UNC5B: variants seen among roughly 807,000 people sequenced by gnomAD.
The protein encoded by UNC5B is netrin receptor UNC5B.
UNC5B carries 56 observed loss-of-function variants against 103.7 expected under a neutral mutation model. That is an observed-to-expected ratio of 0.54 (90% confidence interval 0.44 to 0.67). UNC5B has a LOEUF of 0.67. Ranked by LOEUF, UNC5B falls within the 30% of genes least tolerant of loss-of-function variation. The pLI, the probability that UNC5B is intolerant of heterozygous loss-of-function variation, is 0.00. For missense variants in UNC5B, 1,194 were observed against 1,284.5 expected, an observed-to-expected ratio of 0.93 and a Z score of 1.08; for synonymous variants, 577 against 542.0, an observed-to-expected ratio of 1.06 and a Z score of -0.90.
chr10:71,245,516 T>G (rs956108378), intron 1 of UNC5B, among the ~76,000 whole-genome samples: 3 of 152,148 alleles, frequency 2.0e-5, no homozygotes, highest in African/African-American at 7.2e-5. Flanking sequence ...ACTGTCCTTC[T>G]GGGTGGGCTG....
At chr10:71,295,525 G>A (rs546560727) in intron 13 of UNC5B, among the ~76,000 whole-genome samples, 4 of 152,016 alleles carry the variant, frequency 2.6e-5, no homozygotes, top group Non-Finnish European at 1.5e-5. Context: ...ATATTCATCT[G>A]TCTGTCTTTC....
In UNC5B at chr10:71,226,340, G is replaced by T. The variant is rs561833721; in HGVS notation, c.79+13276G>T. Among the ~76,000 whole-genome samples the T allele has an allele frequency of 5.9e-5, 9 of 152,346 alleles. No homozygotes were observed. The South Asian group carries it at 1.4e-3, about 25-fold the overall frequency. ...TCCGCTTGCCTCGGCCTCCCAAAGT[G>T]CTGGGATTACGGGCATGAGCCACCT... On this transcript the variant is annotated intron_variant, in intron 1 of 16. Coordinates refer to ENST00000335350, the MANE Select transcript of UNC5B (RefSeq NM_170744.5).
Position 71,293,392 on chromosome 10 carries a change from T to C in UNC5B, c.1773-13T>C, listed in dbSNP as rs1307483256. The C allele has an allele frequency of 6.2e-7, 1 of 1,608,416 alleles. No individual in the cohort carries two copies. Among genetic ancestry groups the C allele is most frequent in the Admixed American group, 1.7e-5 (1 of 59,664 alleles). ...TCTTCACTGCCTCTCTCCTACCCTG[T>C]GTCCTCCTCCAGCCCGCTTTCAGAA... is the stretch of plus-strand genomic sequence containing the variant. On this transcript the variant is annotated splice_polypyrimidine_tract_variant and intron_variant, in intron 11 of 16. Coordinates refer to ENST00000335350, the MANE Select transcript of UNC5B (RefSeq NM_170744.5).
rs1193918722 is a variant in UNC5B, at chr10:71,299,345, C to T, written c.*68C>T. The T allele has an allele frequency of 6.3e-7, 1 of 1,582,730 alleles. No individual in the cohort carries two copies. The highest frequency in any genetic ancestry group is 8.6e-7 in the Non-Finnish European group (1 of 1,165,578). On this transcript the variant is annotated 3_prime_UTR_variant, in exon 17 of 17. Coordinates refer to ENST00000335350, the MANE Select transcript of UNC5B (RefSeq NM_170744.5). ...GTGCAGGGAGGCCTGGGGCAGCCTC[C>T]TGATGGGGATGTTTGGCCTCTGCTT...
intron 2 of UNC5B, among the ~76,000 whole-genome samples, chr10:71,282,623 G>C (rs1005099700): frequency 2.6e-5 from 4 of 152,114 alleles, no homozygotes; most frequent in African/African-American, 7.2e-5. Context: ...GAGCCAGCCT[G>C]TGGGCAGCCA....
intron 1 of UNC5B, among the ~76,000 whole-genome samples, chr10:71,235,055 G>A (rs942661989): frequency 5.3e-5 from 8 of 152,138 alleles, no homozygotes; most frequent in Non-Finnish European, 8.8e-5. Context: ...CTGCAATGCC[G>A]GGCCCCTATT....
chr10:71,292,579 C>A, intron 11 of UNC5B, 25 bp downstream of exon 11: 1 of 1,571,638 alleles, frequency 6.4e-7, no homozygotes, highest in South Asian at 1.2e-5. Context: ...AGCCGCTGCT[C>A]CTTTTTCTTC....
chr10:71,243,693 G>T (rs1417023703), intron 1 of UNC5B, among the ~76,000 whole-genome samples: 2 of 152,192 alleles, frequency 1.3e-5, no homozygotes, highest in African/African-American at 4.8e-5. Context: ...GATGGCCAAG[G>T]TTGGAGAGAC....
At chr10:71,217,545 C>G (rs963362949) in intron 1 of UNC5B, 1 of 152,256 alleles carries the variant, frequency 6.6e-6, no homozygotes, top group African/African-American at 2.4e-5. Flanking sequence ...CCGGAGCCGC[C>G]TCAGCCGCTG....
rs537963828 is a variant in UNC5B, at chr10:71,291,340, C to G, written c.1295-92C>G. The G allele has an allele frequency of 1.6e-5, 25 of 1,515,556 alleles. 1 individual carries two copies. In the African/African-American group the frequency reaches 3.5e-4, roughly 21 times the overall value. The allele number at this position is 1,515,556 out of a possible 1,614,324, so 93.9% of individuals were successfully genotyped here. A position where few individuals can be genotyped will look rare whatever the true frequency, so the allele number is the denominator to read the frequency against. ...TGCAGCTGGCAGCAATTGGGCCTTT[C>G]ACAGCTGGACATTTGGGTGGGATTT... On this transcript the variant is annotated intron_variant, in intron 9 of 16. Coordinates refer to ENST00000335350, the MANE Select transcript of UNC5B (RefSeq NM_170744.5).
chr10:71,230,450 G>A (rs1038691013), intron 1 of UNC5B, among the ~76,000 whole-genome samples: 1 of 152,234 alleles, frequency 6.6e-6, no homozygotes, highest in African/African-American at 2.4e-5. Flanking sequence ...CAGTGGCCAA[G>A]GTCAAAATTG....
chr10:71,219,836 G>A (rs1299839544), intron 1 of UNC5B, among the ~76,000 whole-genome samples: 1 of 152,238 alleles, frequency 6.6e-6, no homozygotes, highest in Non-Finnish European at 1.5e-5. Flanking sequence ...GCATAGCAGA[G>A]CCAAGGTTTT....
rs757945113 is a variant in UNC5B, at chr10:71,269,347, C to CCCA, written c.80-10472_80-10471insACC. On this transcript the variant is annotated intron_variant, in intron 1 of 16. Transcript: ENST00000335350. Reference sequence around the variant, plus strand: ...AAAAAGTTTAGAAAAATGAAGTCCCCCCCCCACAACTTCTCCTTTCCTGGG... The same window carrying CCCA: ...AAAAAGTTTAGAAAAATGAAGTCCCCCCACCCCCACAACTTCTCCTTTCCTGGG... Among the ~76,000 whole-genome samples the CCCA allele has an allele frequency of 2.8e-5, 4 of 142,208 alleles. No individual in the cohort carries two copies. In the Admixed American group the frequency reaches 2.8e-4, roughly 10 times the overall value. 93.3% of individuals were successfully genotyped at this position (142,208 alleles called of 152,430 possible).
At chr10:71,229,577 A>C in intron 1 of UNC5B, among the ~76,000 whole-genome samples, 1 of 152,102 alleles carries the variant, frequency 6.6e-6, no homozygotes. Flanking sequence ...CCTTCCCATC[A>C]CGGCCCACTG....
chr10:71,255,577 G>A (rs1844272015), intron 1 of UNC5B, among the ~76,000 whole-genome samples: 1 of 152,190 alleles, frequency 6.6e-6, no homozygotes, highest in Non-Finnish European at 1.5e-5. Flanking sequence ...TTTACTAAGA[G>A]GCCACTCCTT....
rs765469669 is a variant in UNC5B at position 71,291,004 on chromosome 10, G to T, written c.1189G>T (p.Val397Leu). The T allele has an allele frequency of 1.1e-5, 17 of 1,614,062 alleles. No homozygotes were observed. The South Asian group carries it at 1.5e-4, about 15-fold the overall frequency. ...VVAILMAVGV[V>L]VYRRNCRDFD... ...GGCAATCCTCATGGCGGTGGGGGTG[G>T]TGGTGTACCGCCGCAACTGCCGTGA... The change falls in exon 9 of 17, where the codon GTG (valine) becomes TTG (leucine). Residue 397 changes from valine (V) to leucine (L), a missense_variant. By Grantham distance (32) the Val-to-Leu change is conservative (BLOSUM62 1). Transcript: ENST00000335350.
chr10:71,285,658 G>A (rs1845058229), intron 4 of UNC5B, among the ~76,000 whole-genome samples: 1 of 152,202 alleles, frequency 6.6e-6, no homozygotes, highest in Non-Finnish European at 1.5e-5. Context: ...GGATGGGGTG[G>A]CTAAGGCAGA....
At chr10:71,219,473 C>G (rs896993630) in intron 1 of UNC5B, among the ~76,000 whole-genome samples, 2 of 152,166 alleles carry the variant, frequency 1.3e-5, no homozygotes, top group African/African-American at 4.8e-5. Flanking sequence ...AGGCCAGTCT[C>G]TCTTTTCACG....
At chr10:71,225,840 G>GTGCCACACGGACTTGAGGACACCC (rs1554859777) in intron 1 of UNC5B, among the ~76,000 whole-genome samples, 2 of 151,472 alleles carry the variant, frequency 1.3e-5, no homozygotes, top group Admixed American at 6.6e-5. Flanking sequence ...GCTTGCCACC[G>GTGCCACACGGACTTGAGGACACCC]TGCCACACAG....
Sources: allele counts gnomAD v4.1 joint callset (sites outside exome capture counted in the v4.1 genomes callset), GRCh38; gene constraint gnomAD v4.1.1; transcripts MANE v1.5; gene names NCBI Gene and HGNC (gene_info 2026-07-23, HGNC 2026-07-21).